ATP1B3: variants seen among roughly 807,000 people sequenced by gnomAD.
ATP1B3 encodes ATPase Na+/K+ transporting subunit beta 3.
ATP1B3 carries 10 observed loss-of-function variants against 30.2 expected under a neutral mutation model. The observed-to-expected ratio is 0.33, with a 90% confidence interval of 0.20 to 0.56. The LOEUF (loss-of-function observed/expected upper bound fraction) is 0.56. Among genes scored for constraint, ATP1B3 ranks in the 20% least tolerant of loss-of-function variants. ATP1B3 has a pLI of 0.90. For synonymous variants in ATP1B3, 113 were observed against 117.0 expected (o/e 0.97, Z 0.22); for missense variants, 238 against 336.7 (o/e 0.71, Z 2.29).
intron 1 of ATP1B3, among the ~76,000 whole-genome samples, chr3:141,879,920 G>A (rs1282219655): frequency 6.8e-6 from 1 of 147,678 alleles, no homozygotes; most frequent in African/African-American, 2.5e-5. Context: ...TGTAGGTGGT[G>A]GGAGAAAAAG....
chr3:141,898,691 A>G (rs141346841), intron 1 of ATP1B3, among the ~76,000 whole-genome samples: 2 of 152,346 alleles, frequency 1.3e-5, no homozygotes, highest in African/African-American at 2.4e-5. Context: ...CAGTTACTCA[A>G]AAGGCTAGAG....
chr3:141,907,358 G>A (rs752459080), intron 3 of ATP1B3, 84 bp downstream of exon 3: 69 of 970,666 alleles, frequency 7.1e-5, no homozygotes, highest in Non-Finnish European at 9.5e-5. Flanking sequence ...GGTAGCTCAC[G>A]CCTGTAATCC....
intron 1 of ATP1B3, among the ~76,000 whole-genome samples, chr3:141,888,291 CAG>C (rs1267560565): frequency 6.6e-6 from 1 of 152,158 alleles, no homozygotes; most frequent in Non-Finnish European, 1.5e-5. Flanking sequence ...TCACCAGTCT[CAG>C]AGTGTTTCCT....
intron 6 of ATP1B3, among the ~76,000 whole-genome samples, chr3:141,923,671 T>C (rs779414246): frequency 6.6e-6 from 1 of 152,250 alleles, no homozygotes; most frequent in Non-Finnish European, 1.5e-5. Flanking sequence ...TAATACTCTT[T>C]ATAGTGAAAG....
intron 3 of ATP1B3, among the ~76,000 whole-genome samples, chr3:141,911,850 TG>T (rs1311092069): frequency 1.3e-5 from 2 of 152,172 alleles, no homozygotes. Context: ...TTGGTTACTC[TG>T]GGGTCAGTGA....
At chr3:141,884,786 A>G (rs1216799066) in intron 1 of ATP1B3, among the ~76,000 whole-genome samples, 2 of 152,122 alleles carry the variant, frequency 1.3e-5, no homozygotes, top group African/African-American at 2.4e-5. Context: ...AAGGAGATAT[A>G]TACATATTAT....
chr3:141,913,854 C>A lies in ATP1B3; in HGVS notation c.531+18C>A. ...TGAACAGAGTACGTACATATTTTAC[C>A]TCTGCTGCTGCTTTTTTCTAATATT... is the stretch of plus-strand genomic sequence containing the variant. On this transcript the variant is annotated intron_variant, in intron 4 of 6. Coordinates refer to ENST00000286371, the MANE Select transcript of ATP1B3 (RefSeq NM_001679.4). The A allele has an allele frequency of 1.3e-6, 2 of 1,577,718 alleles. No individual in the cohort carries two copies. Among genetic ancestry groups the A allele is most frequent in the South Asian group, 2.4e-5 (2 of 84,202 alleles).
intron 4 of ATP1B3, 80 bp downstream of exon 4, chr3:141,913,916 G>A: frequency 1.4e-6 from 2 of 1,398,172 alleles, no homozygotes; most frequent in Admixed American, 2.3e-5. Flanking sequence ...GATTGTTGTG[G>A]TTGGGTTAAT....
chr3:141,906,432 G>A (rs541749614), intron 2 of ATP1B3, among the ~76,000 whole-genome samples: 2 of 152,122 alleles, frequency 1.3e-5, no homozygotes, highest in African/African-American at 2.4e-5. Flanking sequence ...CGCCAGCCTC[G>A]GCCTCCCAAA....
intron 1 of ATP1B3, among the ~76,000 whole-genome samples, chr3:141,887,885 T>G (rs1326814975): frequency 6.6e-6 from 1 of 151,876 alleles, no homozygotes; most frequent in East Asian, 1.9e-4. Flanking sequence ...CCCAGAACGG[T>G]GGTTGCCTTT....
Position 141,883,364 on chromosome 3 carries a change from A to C in ATP1B3, c.109+6454A>C, listed in dbSNP as rs376018697. Among the ~76,000 whole-genome samples, 130 of 152,120 alleles carry C rather than the reference A, an allele frequency of 8.5e-4. 1 individual carries two copies. Among genetic ancestry groups the C allele is most frequent in the African/African-American group, 3.0e-3 (123 of 41,492 alleles). On this transcript the variant is annotated intron_variant, in intron 1 of 6. Transcript: ENST00000286371. ...ATTAGCCAGGTGTGGTGGCGTAGTG[A>C]ATTTTTGCAATCAGACTTTGATAAT...
chr3:141,879,074 G>A (rs576001275), intron 1 of ATP1B3, among the ~76,000 whole-genome samples: 1 of 152,214 alleles, frequency 6.6e-6, no homozygotes, highest in South Asian at 2.1e-4. Flanking sequence ...GGGACTGTAT[G>A]GGCTTGCTGC....
At chr3:141,899,760 T>G (rs929225126) in intron 1 of ATP1B3, among the ~76,000 whole-genome samples, 10 of 152,094 alleles carry the variant, frequency 6.6e-5, no homozygotes, top group Non-Finnish European at 1.5e-5. Flanking sequence ...TCCCAGCTAC[T>G]CAGGAGGCTG....
intron 1 of ATP1B3, among the ~76,000 whole-genome samples, chr3:141,892,233 T>C (rs1933967309): frequency 6.6e-6 from 1 of 152,218 alleles, no homozygotes; most frequent in South Asian, 2.1e-4. Context: ...TTTATTTACT[T>C]TTATTAAATA....
At chr3:141,924,912 C>G (rs1301087247) in intron 6 of ATP1B3, among the ~76,000 whole-genome samples, 1 of 152,110 alleles carries the variant, frequency 6.6e-6, no homozygotes, top group African/African-American at 2.4e-5. Flanking sequence ...GGGATCGTGC[C>G]ACTGCACTCC....
chr3:141,911,843 GT>G (rs1559872029), intron 3 of ATP1B3, among the ~76,000 whole-genome samples: 1 of 152,096 alleles, frequency 6.6e-6, no homozygotes, highest in Non-Finnish European at 1.5e-5. Flanking sequence ...GGGCTCCTTG[GT>G]TACTCTGGGG....
intron 1 of ATP1B3, among the ~76,000 whole-genome samples, chr3:141,889,426 A>G (rs997453537): frequency 1.3e-5 from 2 of 152,082 alleles, no homozygotes; most frequent in African/African-American, 2.4e-5. Flanking sequence ...ATATGTATTT[A>G]TTTTTATGAA....
intron 1 of ATP1B3, chr3:141,877,423 A>G (rs1333587402): frequency 6.6e-6 from 1 of 152,184 alleles, no homozygotes; most frequent in Non-Finnish European, 1.5e-5. Context: ...CCACGCTGCC[A>G]CCCCGACCGG....
chr3:141,916,097 T>A, intron 5 of ATP1B3, 77 bp downstream of exon 5: 1 of 1,315,036 alleles, frequency 7.6e-7, no homozygotes, highest in Non-Finnish European at 1.1e-6. Context: ...GATTTAGTCA[T>A]CTTTTTTTTC....
Sources: allele counts gnomAD v4.1 joint callset (sites outside exome capture counted in the v4.1 genomes callset), GRCh38; gene constraint gnomAD v4.1.1; transcripts MANE v1.5; gene names NCBI Gene and HGNC (gene_info 2026-07-23, HGNC 2026-07-21).